The following ATP6V0E1 variants were observed in gnomAD, a reference collection of about 807,000 sequenced individuals.
ATP6V0E1 encodes the protein ATPase H+ transporting V0 subunit e1.
ATP6V0E1 carries 4 observed loss-of-function variants against 11.6 expected under a neutral mutation model. That is an observed-to-expected ratio of 0.35 (90% CI 0.17 to 0.79). ATP6V0E1 has a LOEUF of 0.79. Among genes scored for constraint, ATP6V0E1 ranks in the 30% least tolerant of loss-of-function variants. The pLI is 0.54. For synonymous variants in ATP6V0E1, 36 were observed against 34.8 expected (o/e 1.04, Z -0.13); for missense variants, 105 against 100.0 (o/e 1.05, Z -0.21).
At chr5:172,995,292 C>T (rs954357583) in intron 2 of ATP6V0E1, among the ~76,000 whole-genome samples, 4 of 152,062 alleles carry the variant, frequency 2.6e-5, no homozygotes, top group Admixed American at 6.5e-5. Context: ...TTAGTGGAGA[C>T]GGGTTTGCCA....
intron 3 of ATP6V0E1, among the ~76,000 whole-genome samples, chr5:173,027,816 A>G (rs1230162384): frequency 6.6e-6 from 1 of 151,832 alleles, no homozygotes; most frequent in Non-Finnish European, 1.5e-5. Flanking sequence ...CTTTATTTCA[A>G]CTGTAGTGAG....
At chr5:173,005,583 G>A (rs900843634) in intron 2 of ATP6V0E1, among the ~76,000 whole-genome samples, 2 of 152,014 alleles carry the variant, frequency 1.3e-5, no homozygotes, top group Non-Finnish European at 2.9e-5. Context: ...GAAGCAGTTA[G>A]GAATTTATCA....
At chr5:173,018,122 A>G (rs1018801475) in intron 2 of ATP6V0E1, among the ~76,000 whole-genome samples, 8 of 152,186 alleles carry the variant, frequency 5.3e-5, no homozygotes, top group Non-Finnish European at 1.2e-4. Flanking sequence ...GAATCCCCCC[A>G]GATTTAATTA....
intron 2 of ATP6V0E1, among the ~76,000 whole-genome samples, chr5:173,013,391 T>C (rs565565089): frequency 2.3e-4 from 35 of 151,930 alleles, no homozygotes; most frequent in South Asian, 1.0e-3. Context: ...CTGGCTAACA[T>C]GGTGAAACCC....
chr5:173,034,110 C>A (rs187315052), intron 3 of ATP6V0E1, among the ~76,000 whole-genome samples: 165 of 152,298 alleles, frequency 1.1e-3, no homozygotes, highest in African/African-American at 3.9e-3. Flanking sequence ...GCGGTGAATT[C>A]ATTAGATTCC....
intron 1 of ATP6V0E1, among the ~76,000 whole-genome samples, chr5:172,993,514 A>G (rs1756015020): frequency 6.6e-6 from 1 of 151,824 alleles, no homozygotes. Context: ...TCAAAAAACA[A>G]AAAAGACACA....
At chr5:172,996,688 G>A (rs1322629295) in intron 2 of ATP6V0E1, among the ~76,000 whole-genome samples, 1 of 151,990 alleles carries the variant, frequency 6.6e-6, no homozygotes, top group Non-Finnish European at 1.5e-5. Flanking sequence ...TTAGGTCAAA[G>A]AACCTCTATA....
At chr5:173,033,011 G>A (rs1756688806) in intron 3 of ATP6V0E1, among the ~76,000 whole-genome samples, 1 of 152,206 alleles carries the variant, frequency 6.6e-6, no homozygotes, top group South Asian at 2.1e-4. Flanking sequence ...CAGGAAGATT[G>A]CTTGAGTCCA....
At chr5:172,991,079 G>T (rs1475244680) in intron 1 of ATP6V0E1, among the ~76,000 whole-genome samples, 1 of 152,114 alleles carries the variant, frequency 6.6e-6, no homozygotes, top group Non-Finnish European at 1.5e-5. Flanking sequence ...TCAGCCTCCT[G>T]AGTAGCTGGG....
At chr5:173,026,601 T>C (rs1276574178) in intron 3 of ATP6V0E1, among the ~76,000 whole-genome samples, 1 of 152,206 alleles carries the variant, frequency 6.6e-6, no homozygotes. Context: ...CCTTGTTTTA[T>C]TCACTGAACA....
chr5:173,010,220 C>A (rs572612518), intron 2 of ATP6V0E1, among the ~76,000 whole-genome samples: 4 of 152,104 alleles, frequency 2.6e-5, no homozygotes, highest in African/African-American at 9.6e-5. Context: ...TGGGTGGTCG[C>A]GGGAGAGGAG....
intron 2 of ATP6V0E1, among the ~76,000 whole-genome samples, chr5:173,014,033 A>C (rs1756368062): frequency 6.6e-6 from 1 of 151,824 alleles, no homozygotes; most frequent in Non-Finnish European, 1.5e-5. Context: ...GTGTGGTGGT[A>C]GGTTGTAATC....
rs529988831 is a variant in ATP6V0E1 at position 173,034,782 on chromosome 5, C to T, written c.*420C>T. ...CAGTGGGGTGGTCAGTAGGAGAGCA[C>T]GTTCAGAGGGAAGAGCCATCTCAAC... On this transcript the variant is annotated 3_prime_UTR_variant, in exon 4 of 4. Transcript: ENST00000519374. 1.3e-5 allele frequency: 3 copies of T among 236,042 alleles called. No individual in the cohort carries two copies. Among genetic ancestry groups the T allele is most frequent in the Non-Finnish European group, 1.7e-5 (2 of 121,078 alleles). The allele number at this position is 236,042 out of a possible 1,614,324, so 14.6% of individuals were successfully genotyped here.
At chr5:173,029,370 G>T (rs1173941209) in intron 3 of ATP6V0E1, among the ~76,000 whole-genome samples, 2 of 152,088 alleles carry the variant, frequency 1.3e-5, no homozygotes, top group African/African-American at 2.4e-5. Context: ...CCTTGTCAGG[G>T]TCAGAACCTG....
intron 2 of ATP6V0E1, among the ~76,000 whole-genome samples, chr5:172,995,903 T>C (rs1462216647): frequency 6.6e-6 from 1 of 152,180 alleles, no homozygotes; most frequent in Non-Finnish European, 1.5e-5. Context: ...CATGAGTCAC[T>C]ACACCCAGCC....
Position 172,983,826 on chromosome 5 carries a change from G to A in ATP6V0E1, c.-35G>A. The A allele has an allele frequency of 6.3e-7, 1 of 1,599,014 alleles. No homozygotes were observed. ...CACTTCCTGGTGGGATCCGAGTGAG[G>A]CGACGGGGTAGGGGTTGGCGCTCAG... On this transcript the variant is annotated 5_prime_UTR_variant, in exon 1 of 4. Transcript: ENST00000519374.
chr5:173,024,627 T>C (rs1451849580), intron 3 of ATP6V0E1, among the ~76,000 whole-genome samples: 1 of 152,154 alleles, frequency 6.6e-6, no homozygotes, highest in African/African-American at 2.4e-5. Flanking sequence ...ACTCTGGTTC[T>C]GTTCAGTGGA....
In ATP6V0E1 at chr5:172,998,177, C is replaced by G. The variant is rs1364703379; in HGVS notation, c.152+3355C>G. 9.2e-5 allele frequency among the ~76,000 whole-genome samples: 13 copies of G among 141,136 alleles called. No homozygotes were observed. The Admixed American group carries it at 9.2e-4, about 10-fold the overall frequency. The allele number at this position is 141,136 out of a possible 152,430, so 92.6% of individuals were successfully genotyped here. ...AAACACTAAGGCCCAGCTGATGAAA[C>G]TTAAAATTTAGTCTTTTTTTTTTTT... On this transcript the variant is annotated intron_variant, in intron 2 of 3. Coordinates refer to ENST00000519374, the MANE Select transcript of ATP6V0E1 (RefSeq NM_003945.4).
chr5:172,998,365 G>A (rs1756099757), intron 2 of ATP6V0E1, among the ~76,000 whole-genome samples: 1 of 151,910 alleles, frequency 6.6e-6, no homozygotes, highest in South Asian at 2.1e-4. Flanking sequence ...CCAGCACTCT[G>A]GGAGGCCAAG....
Sources: gnomAD v4.1 joint callset for allele counts (sites outside exome capture counted in the v4.1 genomes callset) on GRCh38, gnomAD v4.1.1 for gene constraint, MANE v1.5 for transcripts, NCBI Gene and HGNC (gene_info 2026-07-23, HGNC 2026-07-21) for gene names.